Variants in TBC1D25 observed in about 807,000 individuals in gnomAD.
TBC1D25 encodes the protein TBC1 domain family member 25.
In TBC1D25, 13 loss-of-function variants were observed where a neutral mutation model predicts 38.8. The observed-to-expected ratio is 0.34, with a 90% CI of 0.22 to 0.53. TBC1D25 has a LOEUF of 0.53. TBC1D25 is among the 20% of genes least tolerant of loss of function. The probability of loss-of-function intolerance (pLI) is 0.94; values close to 1 mark genes in which losing one functional copy is unlikely to be tolerated. For synonymous variants in TBC1D25, 225 were observed against 255.6 expected, an observed-to-expected ratio of 0.88 and a Z score of 1.14; for missense variants, 372 against 600.0, an observed-to-expected ratio of 0.62 and a Z score of 3.97.
At chrX:48,555,167 TAAA>T (rs2061965470) in intron 3 of TBC1D25, among the ~76,000 whole-genome samples, 2 of 111,287 alleles carry the variant, frequency 1.8e-5, no homozygotes, top group Admixed American at 1.9e-4. Flanking sequence ...TCTGGTCTAT[TAAA>T]CAACTGAACA....
At chrX:48,553,616 C>CTTTTTTTTTT (rs1209605714) in intron 3 of TBC1D25, among the ~76,000 whole-genome samples, 2 of 53,295 alleles carry the variant, frequency 3.8e-5, no homozygotes, top group Non-Finnish European at 6.2e-5. Flanking sequence ...TTTTCTTTTT[C>CTTTTTTTTTT]TTTTTTTTTT....
At chrX:48,555,537 C>T (rs781934983) in intron 3 of TBC1D25, among the ~76,000 whole-genome samples, 1 of 112,043 alleles carries the variant, frequency 8.9e-6, no homozygotes, top group South Asian at 3.8e-4. Flanking sequence ...GGGGGCCTGC[C>T]CCTCCACACT....
At position 48,559,271 on chromosome X, in the gene TBC1D25, C is replaced by T. The variant is rs782774411; in HGVS notation, c.630C>T (p.His210=). ...SDAEFHTYLN[H]EGQLSRPEEL... ...CTGAGTTTCACACGTACCTGAACCA[C>T]GAGGGCCAGCTCTCCCGACCCGAGG... The change falls in exon 5 of 6, where the codon CAC becomes CAT. Residue 210 remains histidine, a synonymous_variant. Transcript: ENST00000376771. The T allele has an allele frequency of 9.9e-6, 12 of 1,209,128 alleles. No individual in the cohort carries two copies. The highest frequency in any genetic ancestry group is 5.9e-5 in the East Asian group (2 of 33,734).
chrX:48,542,950 C>T (rs782583803), intron 2 of TBC1D25, among the ~76,000 whole-genome samples: 82 of 111,468 alleles, frequency 7.4e-4, no homozygotes, highest in African/African-American at 2.7e-3. Flanking sequence ...TTTATTGGTA[C>T]ATAACCCTGT....
chrX:48,541,587 AG>A (rs2147166908), intron 2 of TBC1D25, 145 bp downstream of exon 2: 1 of 585,412 alleles, frequency 1.7e-6, no homozygotes, highest in Admixed American at 2.7e-5. Flanking sequence ...CTTGGAGCAC[AG>A]TAGTCTACTT....
At chrX:48,548,355 G>T (rs1241940771) in intron 3 of TBC1D25, among the ~76,000 whole-genome samples, 1 of 110,362 alleles carries the variant, frequency 9.1e-6, no homozygotes, top group Non-Finnish European at 1.9e-5. Context: ...GACTCAAGCA[G>T]TCTGCCCGCC....
chrX:48,541,566 C>T (rs2061839004), intron 2 of TBC1D25, 124 bp downstream of exon 2: 4 of 669,299 alleles, frequency 6.0e-6, no homozygotes, highest in East Asian at 3.2e-5. Context: ...TGAACAGCCA[C>T]GTATGCATGT....
At chrX:48,554,977 A>G (rs193271427) in intron 3 of TBC1D25, among the ~76,000 whole-genome samples, 1 of 112,034 alleles carries the variant, frequency 8.9e-6, no homozygotes, top group East Asian at 2.8e-4. Flanking sequence ...AGAGGAAGTG[A>G]GGACTGGTTA....
intron 2 of TBC1D25, among the ~76,000 whole-genome samples, chrX:48,541,680 T>TGA (rs782374730): frequency 3.6e-5 from 4 of 111,117 alleles, no homozygotes; most frequent in African/African-American, 1.3e-4. Context: ...TAAGATATTT[T>TGA]GAGAGAGAGA....
Position 48,542,165 on chromosome X carries a change from A to ATT in TBC1D25, c.233+742_233+743dup, listed in dbSNP as rs1389559717. 7.2e-4 allele frequency among the ~76,000 whole-genome samples: 54 copies of ATT among 75,478 alleles called. 1 individual carries two copies. The highest frequency in any genetic ancestry group is 1.9e-3 in the South Asian group (3 of 1,540). 65.5% of individuals were successfully genotyped at this position (75,478 alleles called of 115,157 possible). A position where few individuals can be genotyped will look rare whatever the true frequency, so the allele number is the denominator to read the frequency against. On this transcript the variant is annotated intron_variant, in intron 2 of 5. Transcript: ENST00000376771. ...AGGCATGCACCACTATGCCCGGATA[A>ATT]TTTTTTTTTTTTTTTTTTTTGAGAC...
Position 48,560,951 on chromosome X carries a change from G to A in TBC1D25, c.2043G>A (p.Gly681=), listed in dbSNP as rs1413365128. 4 of 1,199,707 alleles carry A rather than the reference G, an allele frequency of 3.3e-6. No homozygotes were observed. The African/African-American group carries it at 7.0e-5, about 21-fold the overall frequency. ...LQSEVWDSEE[G]AEATAAS ...CAGAGGTGTGGGACTCAGAGGAGGG[G>A]GCTGAGGCCACAGCCGCATCTTGAT... is the stretch of plus-strand genomic sequence containing the variant. The change falls in exon 6 of 6, where the codon GGG becomes GGA. Residue 681 remains glycine, a synonymous_variant. Coordinates refer to ENST00000376771, the MANE Select transcript of TBC1D25 (RefSeq NM_002536.4).
intron 2 of TBC1D25, among the ~76,000 whole-genome samples, chrX:48,542,724 A>G (rs781874295): frequency 6.4e-5 from 7 of 110,103 alleles, no homozygotes; most frequent in East Asian, 5.7e-4. Flanking sequence ...CGGCCTCCCA[A>G]AGTGTTAGGA....
intron 3 of TBC1D25, among the ~76,000 whole-genome samples, chrX:48,558,111 CAAAAAA>C (rs782514374): frequency 1.2e-4 from 6 of 49,525 alleles, no homozygotes; most frequent in Admixed American, 2.8e-4. Context: ...ACTCCGTCTC[CAAAAAA>C]AAAAAAAAAA....
Position 48,544,319 on chromosome X carries a change from C to CTT in TBC1D25, c.234-535_234-534dup, listed in dbSNP as rs35103047. Among the ~76,000 whole-genome samples, 439 of 94,938 alleles carry CTT rather than the reference C, an allele frequency of 4.6e-3. 5 individuals carry two copies. The highest frequency in any genetic ancestry group is 6.5e-3 in the Non-Finnish European group (308 of 47,543). The allele number at this position is 94,938 out of a possible 115,157, so 82.4% of individuals were successfully genotyped here. A position where few individuals can be genotyped will look rare whatever the true frequency, so the allele number is the denominator to read the frequency against. ...CCACATCTACCCCAGAGGGGACCAA[C>CTT]TTTTTTTTTTTTTTTTGAGATGGAG... is the stretch of plus-strand genomic sequence containing the variant. On this transcript the variant is annotated intron_variant, in intron 2 of 5. Transcript: ENST00000376771.
rs1260397280 is a variant in TBC1D25 at position 48,560,406 on chromosome X, C to T, written c.1498C>T (p.Arg500Cys). Residue 500 changes from arginine to cysteine, a missense_variant, in exon 6 of 6, where the codon CGT becomes TGT. Coordinates refer to ENST00000376771, the MANE Select transcript of TBC1D25 (RefSeq NM_002536.4). Reference sequence around the variant, plus strand: ...CAGTCAGGGGCCTGGTGGTGGGGGGCGTCTCCTGAGACAGGCCAGCTTGGA... The same window carrying T: ...CAGTCAGGGGCCTGGTGGTGGGGGGTGTCTCCTGAGACAGGCCAGCTTGGA... ...TASQGPGGGGRLLRQASLDGL... is the reference protein window; with the variant it reads ...TASQGPGGGGCLLRQASLDGL... 8.3e-7 allele frequency: 1 copy of T among 1,211,116 alleles called. No individual in the cohort carries two copies. Among genetic ancestry groups the T allele is most frequent in the Non-Finnish European group, 1.1e-6 (1 of 895,235 alleles).
chrX:48,555,770 G>C (rs1833746730), intron 3 of TBC1D25, among the ~76,000 whole-genome samples: 1 of 109,613 alleles, frequency 9.1e-6, no homozygotes, highest in African/African-American at 3.3e-5. Context: ...GTGGGGAGAA[G>C]GTCAGTAGGG....
chrX:48,542,931 T>TA lies in TBC1D25; in HGVS notation c.233+1490dup, dbSNP rs201530658. 1.2e-3 allele frequency among the ~76,000 whole-genome samples: 139 copies of TA among 111,519 alleles called. No homozygotes were observed. The East Asian group carries it at 0.031, about 25-fold the overall frequency. On this transcript the variant is annotated intron_variant, in intron 2 of 5. Transcript: ENST00000376771. ...TTGTCAACTTACAGTATTTCCAACT[T>TA]ACGATGAGTTTATTGGTACATAACC...
rs933344982 is a variant in TBC1D25, at chrX:48,558,681, A to G, written c.389-216A>G. Reference sequence around the variant, plus strand: ...AAATATTACTTTATATCATTAAAATATTAGAGGCTGCCCAGCCAGTTCCTG... The same window carrying G: ...AAATATTACTTTATATCATTAAAATGTTAGAGGCTGCCCAGCCAGTTCCTG... On this transcript the variant is annotated intron_variant, in intron 3 of 5. Coordinates refer to ENST00000376771, the MANE Select transcript of TBC1D25 (RefSeq NM_002536.4). Among the ~76,000 whole-genome samples, 4 of 112,278 alleles carry G rather than the reference A, an allele frequency of 3.6e-5. No homozygotes were observed. In the Admixed American group the frequency reaches 3.8e-4, roughly 11 times the overall value.
rs1556985627 is a variant in TBC1D25 at position 48,559,961 on chromosome X, C to T, written c.1053C>T (p.Ala351=). ...ILAVMDHEGH[A]FVCFCGIMKR... ...CTGTCATGGACCATGAGGGCCATGC[C>T]TTTGTTTGCTTTTGTGGCATCATGA... The change falls in exon 6 of 6, where the codon GCC becomes GCT. Residue 351 remains alanine, a synonymous_variant. Coordinates refer to ENST00000376771, the MANE Select transcript of TBC1D25 (RefSeq NM_002536.4). 1 of 1,211,427 alleles carries T rather than the reference C, an allele frequency of 8.3e-7. No homozygotes were observed. The highest frequency in any genetic ancestry group is 2.2e-5 in the Admixed American group (1 of 46,011).
Sources: allele counts gnomAD v4.1 joint callset (sites outside exome capture counted in the v4.1 genomes callset), GRCh38; gene constraint gnomAD v4.1.1; transcripts MANE v1.5; gene names NCBI Gene and HGNC (gene_info 2026-07-23, HGNC 2026-07-21).